The following PCDH9 variants were observed in gnomAD, a reference collection of about 807,000 sequenced individuals.
PCDH9 encodes the protein protocadherin 9.
A neutral mutation model predicts 70.6 loss-of-function variants in PCDH9; 24 were observed. That is an observed-to-expected ratio of 0.34 (90% CI 0.25 to 0.48). PCDH9 has a LOEUF of 0.48. Among genes scored for constraint, PCDH9 ranks in the 20% least tolerant of loss-of-function variants. The probability of loss-of-function intolerance (pLI) is 0.99; values close to 1 mark genes in which losing one functional copy is unlikely to be tolerated. For missense variants in PCDH9, 1,281 were observed against 1,503.6 expected, an observed-to-expected ratio of 0.85 and a Z score of 2.45; for synonymous variants, 562 against 558.5, an observed-to-expected ratio of 1.01 and a Z score of -0.09.
chr13:66,621,738 T>C (rs2077424060), intron 4 of PCDH9, among the ~76,000 whole-genome samples: 1 of 152,140 alleles, frequency 6.6e-6, no homozygotes, highest in South Asian at 2.1e-4. Flanking sequence ...ACTGCAGAAG[T>C]AGTTCTCTCA....
intron 2 of PCDH9, among the ~76,000 whole-genome samples, chr13:67,037,728 C>A (rs1362576665): frequency 6.6e-6 from 1 of 152,042 alleles, no homozygotes; most frequent in Non-Finnish European, 1.5e-5. Context: ...TTTCTGGCAC[C>A]AAGAGTACTG....
chr13:66,430,780 G>A (rs940178670), intron 4 of PCDH9, among the ~76,000 whole-genome samples: 2 of 152,070 alleles, frequency 1.3e-5, no homozygotes, highest in Non-Finnish European at 2.9e-5. Context: ...GAAATGCAGT[G>A]TGATAAGAAC....
Position 66,652,070 on chromosome 13 carries a change from C to T in PCDH9, c.3139-20659G>A, listed in dbSNP as rs181192950. ...TAGTGTCATACTGAATGGAGAAAAC[C>T]GAAAACCTTTCCTCTAAGATTTGGA... On this transcript the variant is annotated intron_variant, in intron 3 of 4. Coordinates refer to ENST00000377865, the MANE Select transcript of PCDH9 (RefSeq NM_203487.3). Among the ~76,000 whole-genome samples, 312 of 152,002 alleles carry T rather than the reference C, an allele frequency of 2.1e-3. 1 individual carries two copies. Among genetic ancestry groups the T allele is most frequent in the Non-Finnish European group, 2.4e-3 (163 of 67,858 alleles).
At chr13:66,821,625 C>T (rs1382872093) in intron 3 of PCDH9, among the ~76,000 whole-genome samples, 2 of 151,980 alleles carry the variant, frequency 1.3e-5, no homozygotes, top group African/African-American at 4.8e-5. Flanking sequence ...GATGCAGGAA[C>T]TTTTTTTTAT....
chr13:66,971,354 A>G (rs2083519093), intron 2 of PCDH9, among the ~76,000 whole-genome samples: 1 of 152,060 alleles, frequency 6.6e-6, no homozygotes, highest in South Asian at 2.1e-4. Context: ...AAACAAAACC[A>G]AACACAAACC....
intron 4 of PCDH9, among the ~76,000 whole-genome samples, chr13:66,596,812 CA>C (rs549340864): frequency 0.17 from 23,595 of 138,182 alleles, 2,094 homozygotes; most frequent in Middle Eastern, 0.24. Flanking sequence ...TTTTATAATA[CA>C]AAAAAAAAAA....
At position 66,500,632 on chromosome 13, in the gene PCDH9, GT is replaced by G. The variant is rs1292127121; in HGVS notation, c.3340+130577del. ...TATTATCCACAATCTGAAATGATTA[GT>G]TTTTTATATTATGAAAATTATAACT... On this transcript the variant is annotated intron_variant, in intron 4 of 4. Transcript: ENST00000377865. Among the ~76,000 whole-genome samples the G allele has an allele frequency of 3.9e-5, 6 of 151,938 alleles. No individual in the cohort carries two copies. The East Asian group carries it at 1.2e-3, about 29-fold the overall frequency.
At chr13:66,625,363 T>C (rs2077484449) in intron 4 of PCDH9, among the ~76,000 whole-genome samples, 1 of 152,158 alleles carries the variant, frequency 6.6e-6, no homozygotes, top group Admixed American at 6.6e-5. Context: ...ATCAAATATG[T>C]ATATTGCATT....
chr13:66,636,889 G>T (rs531114660), intron 3 of PCDH9, among the ~76,000 whole-genome samples: 148 of 151,920 alleles, frequency 9.7e-4, no homozygotes, highest in African/African-American at 3.4e-3. Flanking sequence ...ATCCAATAAA[G>T]ATTTGATTTT....
At chr13:66,516,952 T>C (rs1959765093) in intron 4 of PCDH9, among the ~76,000 whole-genome samples, 1 of 152,166 alleles carries the variant, frequency 6.6e-6, no homozygotes, top group Non-Finnish European at 1.5e-5. Flanking sequence ...GTTCCAAAAC[T>C]TCTGCAAATC....
chr13:66,705,314 T>C (rs1453585479), intron 3 of PCDH9, among the ~76,000 whole-genome samples: 1 of 152,210 alleles, frequency 6.6e-6, no homozygotes, highest in East Asian at 1.9e-4. Context: ...GTCATAATGT[T>C]TATAGGTGAC....
intron 2 of PCDH9, among the ~76,000 whole-genome samples, chr13:67,005,099 C>T (rs2084324423): frequency 6.8e-6 from 1 of 147,280 alleles, no homozygotes; most frequent in Non-Finnish European, 1.5e-5. Flanking sequence ...CAAGTGTTTT[C>T]TATTAAAAAC....
intron 4 of PCDH9, among the ~76,000 whole-genome samples, chr13:66,364,845 G>C (rs1389703141): frequency 1.3e-5 from 2 of 152,138 alleles, no homozygotes; most frequent in Non-Finnish European, 2.9e-5. Flanking sequence ...GCTGAAAACA[G>C]GAGAGAGCAT....
chr13:66,448,977 A>C (rs1370412270), intron 4 of PCDH9, among the ~76,000 whole-genome samples: 1 of 152,144 alleles, frequency 6.6e-6, no homozygotes, highest in Non-Finnish European at 1.5e-5. Flanking sequence ...AGTTTCAATC[A>C]ACACTTCAGC....
intron 2 of PCDH9, among the ~76,000 whole-genome samples, chr13:67,168,129 G>A (rs921710439): frequency 5.9e-5 from 9 of 152,154 alleles, no homozygotes; most frequent in Non-Finnish European, 1.2e-4. Flanking sequence ...AAAATCACTT[G>A]TTATCCAAAA....
chr13:66,463,244 T>C (rs1958457052), intron 4 of PCDH9, among the ~76,000 whole-genome samples: 1 of 151,806 alleles, frequency 6.6e-6, no homozygotes, highest in African/African-American at 2.4e-5. Context: ...ATCAGCTTGA[T>C]TCTCCCCTTT....
intron 3 of PCDH9, among the ~76,000 whole-genome samples, chr13:66,743,356 AG>A (rs1186058662): frequency 3.0e-5 from 3 of 101,160 alleles, no homozygotes; most frequent in East Asian, 6.8e-4. Flanking sequence ...GGGTGGGGGG[AG>A]GGGGGAGGGA....
At chr13:66,780,992 G>A (rs542239479) in intron 3 of PCDH9, among the ~76,000 whole-genome samples, 6 of 152,088 alleles carry the variant, frequency 3.9e-5, no homozygotes, top group Admixed American at 6.5e-5. Flanking sequence ...TGTGGGATGC[G>A]GGTGGGGTGC....
At chr13:66,574,204 C>A (rs778821000) in intron 4 of PCDH9, among the ~76,000 whole-genome samples, 1 of 152,108 alleles carries the variant, frequency 6.6e-6, no homozygotes, top group African/African-American at 2.4e-5. Context: ...AATTTGAATC[C>A]GATATTAATG....
Sources: gnomAD v4.1 joint callset for allele counts (sites outside exome capture counted in the v4.1 genomes callset) on GRCh38, gnomAD v4.1.1 for gene constraint, MANE v1.5 for transcripts, NCBI Gene and HGNC (gene_info 2026-07-23, HGNC 2026-07-21) for gene names.